The following ARL15 variants were observed in gnomAD, a reference collection of about 807,000 sequenced individuals.
ARL15 encodes ARF like GTPase 15.
ARL15 carries 19 observed loss-of-function variants against 25.2 expected under a neutral mutation model. The observed-to-expected ratio is 0.75, with a 90% CI of 0.53 to 1.10. ARL15 has a LOEUF of 1.10. ARL15 is among the 50% of genes least tolerant of loss of function. The pLI, the probability that ARL15 is intolerant of heterozygous loss-of-function variation, is 0.00. For synonymous variants in ARL15, 94 were observed against 86.8 expected (o/e 1.08, Z -0.46); for missense variants, 220 against 246.0 (o/e 0.89, Z 0.71).
intron 4 of ARL15, among the ~76,000 whole-genome samples, chr5:54,094,803 C>T (rs946123485): frequency 1.3e-5 from 2 of 152,120 alleles, no homozygotes; most frequent in African/African-American, 2.4e-5. Context: ...ATTTGTTCAT[C>T]TGACAAGTAT....
intron 3 of ARL15, among the ~76,000 whole-genome samples, chr5:54,142,861 T>C (rs1579842675): frequency 1.3e-5 from 2 of 152,234 alleles, no homozygotes; most frequent in African/African-American, 4.8e-5. Context: ...GATTGTCTTA[T>C]ATGTTTTCTA....
At chr5:54,087,351 G>A (rs544014481) in intron 4 of ARL15, among the ~76,000 whole-genome samples, 3 of 152,156 alleles carry the variant, frequency 2.0e-5, no homozygotes, top group East Asian at 1.9e-4. Context: ...AGAACTCAGA[G>A]TCATATAACC....
chr5:54,296,075 T>A (rs1579990268), intron 1 of ARL15, among the ~76,000 whole-genome samples: 1 of 152,276 alleles, frequency 6.6e-6, no homozygotes, highest in Non-Finnish European at 1.5e-5. Context: ...GCCACCCTCT[T>A]CCCTGCCAGG....
intron 2 of ARL15, among the ~76,000 whole-genome samples, chr5:54,160,165 C>T (rs1484028253): frequency 1.3e-5 from 2 of 152,140 alleles, no homozygotes; most frequent in African/African-American, 2.4e-5. Flanking sequence ...AACAGACTAA[C>T]GAAATTCTTC....
At chr5:54,008,327 A>G (rs902323307) in intron 4 of ARL15, among the ~76,000 whole-genome samples, 3 of 152,204 alleles carry the variant, frequency 2.0e-5, no homozygotes, top group Non-Finnish European at 4.4e-5. Flanking sequence ...TTTAGACTCT[A>G]TCTCTTTAAG....
chr5:54,211,852 G>A (rs1288514463), intron 1 of ARL15, among the ~76,000 whole-genome samples: 1 of 152,130 alleles, frequency 6.6e-6, no homozygotes, highest in African/African-American at 2.4e-5. Context: ...ATAAAGAGGA[G>A]TAGATAAAGT....
At chr5:54,307,570 GT>G (rs1028806324) in intron 1 of ARL15, among the ~76,000 whole-genome samples, 2 of 152,012 alleles carry the variant, frequency 1.3e-5, no homozygotes, top group Non-Finnish European at 2.9e-5. Context: ...GAGAACATTT[GT>G]TTTAAGAAAT....
chr5:54,171,181 C>T (rs1193947565), intron 2 of ARL15, among the ~76,000 whole-genome samples: 1 of 152,132 alleles, frequency 6.6e-6, no homozygotes, highest in Admixed American at 6.6e-5. Flanking sequence ...TTTAGTAGCA[C>T]CACTGGCCTC....
At chr5:54,293,876 T>C (rs1447548496) in intron 1 of ARL15, among the ~76,000 whole-genome samples, 2 of 152,164 alleles carry the variant, frequency 1.3e-5, no homozygotes, top group Admixed American at 1.3e-4. Context: ...GTCGCCAGGC[T>C]GGAATGCAGT....
rs200321067 is a variant in ARL15 at position 54,129,341 on chromosome 5, G to GA, written c.254-15932dup. On this transcript the variant is annotated intron_variant, in intron 3 of 4. Transcript: ENST00000504924. ...CAGGTCCACACAGAAACCTGGCATA[G>GA]AAAAAAAAGTGATCACAATTTCTTG... Among the ~76,000 whole-genome samples the GA allele has an allele frequency of 9.9e-3, 1,496 of 151,694 alleles. 24 individuals carry two copies. The highest frequency in any genetic ancestry group is 0.033 in the African/African-American group (1,361 of 41,414).
intron 4 of ARL15, among the ~76,000 whole-genome samples, chr5:53,978,778 T>C (rs1040110251): frequency 9.2e-5 from 14 of 152,192 alleles, no homozygotes; most frequent in African/African-American, 3.4e-4. Context: ...TACCTCAAGA[T>C]CCAACTTTTG....
intron 3 of ARL15, among the ~76,000 whole-genome samples, chr5:54,131,960 C>A (rs1270644428): frequency 6.6e-6 from 1 of 151,232 alleles, no homozygotes; most frequent in Non-Finnish European, 1.5e-5. Context: ...AGAGGTACTG[C>A]AACTGGCAGG....
intron 3 of ARL15, among the ~76,000 whole-genome samples, chr5:54,132,805 CCAGAGGTCACTCT>C (rs1753478861): frequency 2.6e-5 from 4 of 152,128 alleles, no homozygotes; most frequent in Admixed American, 1.3e-4. Flanking sequence ...GTGAGAACGA[CCAGAGGTCACTCT>C]CATTGCCATC....
At chr5:53,943,095 G>C (rs1746598423) in intron 4 of ARL15, among the ~76,000 whole-genome samples, 1 of 152,154 alleles carries the variant, frequency 6.6e-6, no homozygotes, top group East Asian at 1.9e-4. Flanking sequence ...ACTTGCTGGA[G>C]GAGGGCTGGT....
At chr5:54,081,078 A>G (rs1243830388) in intron 4 of ARL15, among the ~76,000 whole-genome samples, 2 of 152,162 alleles carry the variant, frequency 1.3e-5, no homozygotes, top group African/African-American at 2.4e-5. Flanking sequence ...TAAAAACCCT[A>G]TCTCCAAATA....
intron 4 of ARL15, among the ~76,000 whole-genome samples, chr5:54,044,759 T>C (rs757539906): frequency 6.6e-6 from 1 of 152,216 alleles, no homozygotes; most frequent in Non-Finnish European, 1.5e-5. Context: ...GTTTGCAAAA[T>C]TGTGACCATT....
At chr5:53,989,691 T>G (rs1048215730) in intron 4 of ARL15, among the ~76,000 whole-genome samples, 3 of 152,096 alleles carry the variant, frequency 2.0e-5, no homozygotes, top group Non-Finnish European at 2.9e-5. Flanking sequence ...CTTGAGAAAC[T>G]GACGATAACT....
intron 3 of ARL15, among the ~76,000 whole-genome samples, chr5:54,142,785 C>G (rs1753810101): frequency 6.6e-6 from 1 of 152,132 alleles, no homozygotes; most frequent in Non-Finnish European, 1.5e-5. Context: ...ATCCAATTTA[C>G]CAATTTTCCT....
At chr5:53,922,410 T>C (rs1745884207) in intron 4 of ARL15, among the ~76,000 whole-genome samples, 1 of 152,238 alleles carries the variant, frequency 6.6e-6, no homozygotes, top group Non-Finnish European at 1.5e-5. Context: ...ATTTTTTAAA[T>C]GACAATGACT....
Sources: allele counts gnomAD v4.1 joint callset (sites outside exome capture counted in the v4.1 genomes callset), GRCh38; gene constraint gnomAD v4.1.1; transcripts MANE v1.5; gene names NCBI Gene and HGNC (gene_info 2026-07-23, HGNC 2026-07-21).